The following USH2A variants were observed in gnomAD, a reference collection of about 807,000 sequenced individuals.
USH2A encodes Usher syndrome 2A (autosomal recessive, mild).
USH2A carries 443 observed loss-of-function variants against 538.9 expected under a neutral mutation model. That is an observed-to-expected ratio of 0.82 (90% CI 0.76 to 0.89). The LOEUF (loss-of-function observed/expected upper bound fraction) is 0.89, where lower values mean the gene tolerates loss of function less well. USH2A is among the 40% of genes least tolerant of loss of function. The probability of loss-of-function intolerance (pLI) is 0.00; values close to 1 mark genes in which losing one functional copy is unlikely to be tolerated. For missense variants in USH2A, 6,633 were observed against 6,324.8 expected (o/e 1.05, Z -1.65); for synonymous variants, 2,413 against 2,273.5 (o/e 1.06, Z -1.75).
chr1:215,907,137 A>C (rs1665659679), intron 38 of USH2A, among the ~76,000 whole-genome samples: 1 of 152,020 alleles, frequency 6.6e-6, no homozygotes, highest in Admixed American at 6.6e-5. Context: ...ACTTAGGGCA[A>C]ATATAACCTT....
chr1:215,777,813 G>C (rs957992468), intron 55 of USH2A, among the ~76,000 whole-genome samples: 3 of 152,122 alleles, frequency 2.0e-5, no homozygotes, highest in Admixed American at 2.0e-4. Context: ...TGAGTAGGTT[G>C]GCTTTCTTCT....
intron 11 of USH2A, among the ~76,000 whole-genome samples, chr1:216,256,730 C>G (rs1174560579): frequency 6.6e-6 from 1 of 151,852 alleles, no homozygotes; most frequent in African/African-American, 2.4e-5. Flanking sequence ...TATGATTGTC[C>G]TAAAGATTCT....
In USH2A at chr1:215,993,088, G is replaced by C. The variant is rs1457005908; in HGVS notation, c.6737C>G (p.Ala2246Gly). The change falls in exon 35 of 72, where the codon GCC becomes GGC. Residue 2246 changes from alanine to glycine, a missense_variant. Coordinates refer to ENST00000307340, the MANE Select transcript of USH2A (RefSeq NM_206933.4). Reference sequence around the variant, plus strand: ...AGGTGAATATGAGTGGGCTTTGGGGGCTGGCACGCCTTCGGGTATGTCCTC... The same window carrying C: ...AGGTGAATATGAGTGGGCTTTGGGGCCTGGCACGCCTTCGGGTATGTCCTC... ...TDEDIPEGVP[A>G]PKAHSYSPDS... 6.2e-7 allele frequency: 1 copy of C among 1,614,088 alleles called. No individual in the cohort carries two copies. Among genetic ancestry groups the C allele is most frequent in the Admixed American group, 1.7e-5 (1 of 60,014 alleles).
intron 44 of USH2A, among the ~76,000 whole-genome samples, chr1:215,854,813 T>A (rs2365630): frequency 6.6e-6 from 1 of 151,894 alleles, no homozygotes; most frequent in East Asian, 1.9e-4. Flanking sequence ...ACCTGGCCAG[T>A]GCCATGTTGT....
chr1:215,731,094 C>G (rs1028150220), intron 60 of USH2A, among the ~76,000 whole-genome samples: 6 of 152,182 alleles, frequency 3.9e-5, no homozygotes, highest in African/African-American at 1.2e-4. Flanking sequence ...TTTTATTAAA[C>G]TCTCACGAAT....
At chr1:216,023,457 G>GAAAAAAAAA (rs1571897159) in intron 32 of USH2A, among the ~76,000 whole-genome samples, 1 of 3,854 alleles carries the variant, frequency 2.6e-4, no homozygotes, top group East Asian at 9.6e-3. Context: ...GTTCAAAGCA[G>GAAAAAAAAA]ACAAAAAAAA....
At chr1:216,092,583 C>T (rs1407825180) in intron 22 of USH2A, among the ~76,000 whole-genome samples, 2 of 152,122 alleles carry the variant, frequency 1.3e-5, no homozygotes, top group Non-Finnish European at 2.9e-5. Flanking sequence ...AAATTTTCAC[C>T]ATCCCTCAGT....
Position 216,416,097 on chromosome 1 carries a change from C to T in USH2A, c.651+2417G>A, listed in dbSNP as rs548448474. On this transcript the variant is annotated intron_variant, in intron 3 of 71. Coordinates refer to ENST00000307340, the MANE Select transcript of USH2A (RefSeq NM_206933.4). ...AGGATAATCTCTTGAACTCAGGAGA[C>T]GGAGGTTGCAGTGAGCCAAGATCAT... Among the ~76,000 whole-genome samples the T allele has an allele frequency of 7.2e-5, 11 of 152,058 alleles. No individual in the cohort carries two copies. The East Asian group carries it at 1.7e-3, about 24-fold the overall frequency.
At chr1:215,873,474 T>C (rs747268168) in intron 43 of USH2A, among the ~76,000 whole-genome samples, 18 of 152,324 alleles carry the variant, frequency 1.2e-4, no homozygotes, top group South Asian at 2.1e-4. Flanking sequence ...GATGCAGATG[T>C]CATCTATACA....
At chr1:216,319,333 G>A (rs1265569584) in intron 9 of USH2A, among the ~76,000 whole-genome samples, 1 of 152,108 alleles carries the variant, frequency 6.6e-6, no homozygotes, top group Non-Finnish European at 1.5e-5. Context: ...CACAATTATG[G>A]CTCAGTGAAG....
intron 37 of USH2A, among the ~76,000 whole-genome samples, chr1:215,956,456 G>C (rs1019064472): frequency 6.6e-6 from 1 of 152,072 alleles, no homozygotes; most frequent in African/African-American, 2.4e-5. Context: ...AAAGCCAAAG[G>C]TACATCATCT....
chr1:215,693,994 C>A (rs1330113195), intron 61 of USH2A, among the ~76,000 whole-genome samples: 1 of 152,166 alleles, frequency 6.6e-6, no homozygotes, highest in Non-Finnish European at 1.5e-5. Context: ...ATGCTTGTAA[C>A]TCTTGATAAA....
At chr1:215,925,498 G>A (rs923285151) in intron 38 of USH2A, among the ~76,000 whole-genome samples, 6 of 152,216 alleles carry the variant, frequency 3.9e-5, no homozygotes, top group Admixed American at 3.3e-4. Context: ...AAATTGTGTA[G>A]CTTTTAATAT....
intron 21 of USH2A, among the ~76,000 whole-genome samples, chr1:216,168,060 T>C (rs1025979751): frequency 3.9e-5 from 6 of 152,156 alleles, no homozygotes; most frequent in Admixed American, 3.9e-4. Flanking sequence ...CATTTTTAAA[T>C]GTTTTAACTA....
intron 14 of USH2A, among the ~76,000 whole-genome samples, chr1:216,218,242 A>G (rs1278029763): frequency 2.6e-5 from 4 of 152,114 alleles, no homozygotes; most frequent in African/African-American, 9.6e-5. Context: ...GTGCAACTTA[A>G]ATTTCTTGGA....
chr1:216,380,571 T>C (rs1366832107), intron 3 of USH2A, among the ~76,000 whole-genome samples: 1 of 152,180 alleles, frequency 6.6e-6, no homozygotes, highest in Non-Finnish European at 1.5e-5. Context: ...AGAGTGAATA[T>C]ATCTGTGAAC....
At chr1:216,282,145 A>G (rs1042744815) in intron 11 of USH2A, among the ~76,000 whole-genome samples, 2 of 152,048 alleles carry the variant, frequency 1.3e-5, no homozygotes, top group Non-Finnish European at 2.9e-5. Context: ...CTTCATTATT[A>G]CAGATTTATT....
At chr1:216,394,314 C>G (rs1398478466) in intron 3 of USH2A, among the ~76,000 whole-genome samples, 1 of 145,890 alleles carries the variant, frequency 6.9e-6, no homozygotes, top group Admixed American at 7.0e-5. Context: ...GCACAGCAAT[C>G]CTTTTCCCAG....
intron 43 of USH2A, among the ~76,000 whole-genome samples, chr1:215,876,807 A>C (rs1359808581): frequency 1.3e-5 from 2 of 152,134 alleles, no homozygotes; most frequent in Non-Finnish European, 2.9e-5. Context: ...TATGGGGAAA[A>C]GCTGAAAGAG....
Sources: allele counts gnomAD v4.1 joint callset (sites outside exome capture counted in the v4.1 genomes callset), GRCh38; gene constraint gnomAD v4.1.1; transcripts MANE v1.5; gene names NCBI Gene and HGNC (gene_info 2026-07-23, HGNC 2026-07-21).